PTPRM: variants seen among roughly 807,000 people sequenced by gnomAD.
PTPRM encodes the protein receptor-type tyrosine-protein phosphatase mu.
A neutral mutation model predicts 186.7 loss-of-function variants in PTPRM; 47 were observed. That is an observed-to-expected ratio of 0.25 (90% CI 0.20 to 0.32). The LOEUF (loss-of-function observed/expected upper bound fraction) is 0.32. PTPRM is among the 10% of genes least tolerant of loss of function. The probability of loss-of-function intolerance (pLI) is 1.00; values close to 1 mark genes in which losing one functional copy is unlikely to be tolerated. For missense variants in PTPRM, 1,494 were observed against 1,865.0 expected (o/e 0.80, Z 3.66); for synonymous variants, 668 against 674.9 (o/e 0.99, Z 0.16).
At chr18:7,984,938 CAT>C (rs201053444) in intron 7 of PTPRM, among the ~76,000 whole-genome samples, 45,910 of 114,858 alleles carry the variant, frequency 0.4, 9,472 homozygotes, top group Non-Finnish European at 0.44. Context: ...TAAATATATA[CAT>C]ATATATACAT....
At chr18:8,144,724 G>A (rs1013357013) in intron 14 of PTPRM, among the ~76,000 whole-genome samples, 20 of 152,156 alleles carry the variant, frequency 1.3e-4, no homozygotes, top group African/African-American at 4.6e-4. Flanking sequence ...GCAGTGTCTT[G>A]TTTTGTGGAA....
intron 23 of PTPRM, among the ~76,000 whole-genome samples, chr18:8,369,552 A>T (rs114780226): frequency 0.021 from 3,162 of 152,364 alleles, 42 homozygotes; most frequent in Middle Eastern, 0.041. Context: ...TCACATAGGA[A>T]GTCAGGAAGA....
At chr18:8,056,796 A>C (rs2087989760) in intron 7 of PTPRM, among the ~76,000 whole-genome samples, 1 of 149,504 alleles carries the variant, frequency 6.7e-6, no homozygotes, top group South Asian at 2.1e-4. Flanking sequence ...TTTCTTTTGG[A>C]GAGAAGTTTG....
intron 7 of PTPRM, among the ~76,000 whole-genome samples, chr18:7,973,364 T>C (rs1206244662): frequency 1.3e-5 from 2 of 152,200 alleles, no homozygotes; most frequent in Non-Finnish European, 2.9e-5. Flanking sequence ...GGTGTCACAA[T>C]GTCAGGGTCC....
intron 1 of PTPRM, among the ~76,000 whole-genome samples, chr18:7,620,085 T>C (rs2037900863): frequency 6.6e-6 from 1 of 152,176 alleles, no homozygotes; most frequent in South Asian, 2.1e-4. Flanking sequence ...ACTAGATTTT[T>C]CTCTAGGAGA....
chr18:8,205,267 A>G (rs1289180293), intron 14 of PTPRM, among the ~76,000 whole-genome samples: 1 of 152,250 alleles, frequency 6.6e-6, no homozygotes, highest in African/African-American at 2.4e-5. Flanking sequence ...ACATAAAAGG[A>G]AAATATATCA....
intron 7 of PTPRM, among the ~76,000 whole-genome samples, chr18:8,037,290 A>C (rs4798608): frequency 0.11 from 17,423 of 152,160 alleles, 1,311 homozygotes; most frequent in East Asian, 0.27. Context: ...ACAGGAAATA[A>C]ATTTCTTATA....
intron 1 of PTPRM, among the ~76,000 whole-genome samples, chr18:7,708,796 A>G (rs957787520): frequency 1.3e-5 from 2 of 152,132 alleles, no homozygotes; most frequent in Admixed American, 6.5e-5. Flanking sequence ...GTTATGATGT[A>G]CCTACAATAG....
At chr18:8,389,080 C>T (rs917646882) in intron 31 of PTPRM, among the ~76,000 whole-genome samples, 2 of 152,206 alleles carry the variant, frequency 1.3e-5, no homozygotes, top group South Asian at 2.1e-4. Context: ...ACAAGAGGCT[C>T]ACGCTGAGAT....
At position 7,893,073 on chromosome 18, in the gene PTPRM, ATTCT is replaced by A. The variant is rs1395914547; in HGVS notation, c.468+4699_468+4702del. ...TGAATTTAAAGATGGATTTGTAGAG[ATTCT>A]TTAATACAGTGTTGCTAAGTTTTTA... On this transcript the variant is annotated intron_variant, in intron 3 of 32. Transcript: ENST00000580170. Among the ~76,000 whole-genome samples the A allele has an allele frequency of 3.3e-5, 5 of 152,314 alleles. No individual in the cohort carries two copies. In the East Asian group the frequency reaches 5.8e-4, roughly 18 times the overall value.
intron 2 of PTPRM, among the ~76,000 whole-genome samples, chr18:7,798,296 C>T (rs1214786927): frequency 4.6e-5 from 7 of 151,932 alleles, no homozygotes; most frequent in African/African-American, 7.3e-5. Context: ...TTTGGGAGGC[C>T]GGGGTGGGCA....
Position 8,075,794 on chromosome 18 carries a change from T to C in PTPRM, c.1442-661T>C, listed in dbSNP as rs571843128. ...TACTTTGTATGTATTTTAATAGATA[T>C]ATTAGTACAGTAGTTCATATATATT... On this transcript the variant is annotated intron_variant, in intron 8 of 32. Coordinates refer to ENST00000580170, the MANE Select transcript of PTPRM (RefSeq NM_001105244.2). Among the ~76,000 whole-genome samples the C allele has an allele frequency of 2.6e-5, 4 of 152,296 alleles. No individual in the cohort carries two copies. In the South Asian group the frequency reaches 8.3e-4, roughly 32 times the overall value.
intron 15 of PTPRM, among the ~76,000 whole-genome samples, chr18:8,247,369 T>C: frequency 6.6e-6 from 1 of 152,212 alleles, no homozygotes; most frequent in Non-Finnish European, 1.5e-5. Flanking sequence ...ACCTTTGTTT[T>C]TCATAAAGCA....
At chr18:8,027,584 AC>A (rs1294099613) in intron 7 of PTPRM, among the ~76,000 whole-genome samples, 1 of 152,240 alleles carries the variant, frequency 6.6e-6, no homozygotes, top group Non-Finnish European at 1.5e-5. Flanking sequence ...GTATAAAAGT[AC>A]TTGTTTATCA....
chr18:7,733,591 G>A (rs1035552239), intron 1 of PTPRM, among the ~76,000 whole-genome samples: 2 of 152,138 alleles, frequency 1.3e-5, no homozygotes, highest in African/African-American at 4.8e-5. Flanking sequence ...AATCCTTTGA[G>A]AATATGCCCA....
Position 7,567,958 on chromosome 18 carries a change from A to C in PTPRM, c.73+67A>C. 6.9e-7 allele frequency: 1 copy of C among 1,449,688 alleles called. No individual in the cohort carries two copies. The allele number at this position is 1,449,688 out of a possible 1,614,324, so 89.8% of individuals were successfully genotyped here. A position where few individuals can be genotyped will look rare whatever the true frequency, so the allele number is the denominator to read the frequency against. On this transcript the variant is annotated intron_variant, in intron 1 of 32. Coordinates refer to ENST00000580170, the MANE Select transcript of PTPRM (RefSeq NM_001105244.2). The surrounding 1 kb of genome is among the most constrained non-coding windows in gnomAD (Gnocchi z 4.3). The stretch of plus-strand genomic sequence containing the variant: ...GGCGCGGGACGCCCGGGACGCCGAC[A>C]GCTCCCTGGTGGTAGAGCCCTAAGG...
intron 6 of PTPRM, among the ~76,000 whole-genome samples, chr18:7,951,752 T>G (rs898000768): frequency 6.6e-6 from 1 of 152,234 alleles, no homozygotes; most frequent in African/African-American, 2.4e-5. Context: ...TTTAATGAGA[T>G]AACATGCTAG....
At chr18:7,990,073 T>C (rs561909253) in intron 7 of PTPRM, among the ~76,000 whole-genome samples, 1 of 152,116 alleles carries the variant, frequency 6.6e-6, no homozygotes, top group South Asian at 2.1e-4. Context: ...CTGGCTAATT[T>C]TTGTATTTTT....
At chr18:8,343,770 A>G (rs1484513216) in intron 23 of PTPRM, among the ~76,000 whole-genome samples, 1 of 152,262 alleles carries the variant, frequency 6.6e-6, no homozygotes, top group Non-Finnish European at 1.5e-5. Context: ...ATCGGGCCAT[A>G]TTGAGAGCAC....
Sources: allele counts gnomAD v4.1 joint callset (sites outside exome capture counted in the v4.1 genomes callset), GRCh38; gene constraint gnomAD v4.1.1; non-coding constraint Gnocchi (gnomAD v3.1); transcripts MANE v1.5; gene names NCBI Gene and HGNC (gene_info 2026-07-23, HGNC 2026-07-21).